C16orf96: variants seen among roughly 807,000 people sequenced by gnomAD.
C16orf96 encodes the protein chromosome 16 open reading frame 96, also known as uncharacterized protein C16orf96.
In C16orf96, 108 loss-of-function variants were observed where a neutral mutation model predicts 103.6. That is an observed-to-expected ratio of 1.04 (90% CI 0.89 to 1.22). C16orf96 has a LOEUF of 1.22. Ranked by LOEUF, C16orf96 falls within the 50% of genes most tolerant of loss-of-function variation. C16orf96 has a pLI of 0.00. For missense variants in C16orf96, 1,586 were observed against 1,464.2 expected (o/e 1.08, Z -1.36); for synonymous variants, 566 against 593.5 (o/e 0.95, Z 0.67).
Position 4,556,356 on chromosome 16 carries a change from C to T in C16orf96, c.-134C>T. ...GCTCCAGCCAGAACAGAGGCCATTCCTCCCTGACTGCTGTGACTCACCACC... is the reference window on the plus strand; with the variant it reads ...GCTCCAGCCAGAACAGAGGCCATTCTTCCCTGACTGCTGTGACTCACCACC... On this transcript the variant is annotated 5_prime_UTR_variant, in exon 1 of 16. Transcript: ENST00000444310. The T allele has an allele frequency of 1.0e-5, 9 of 864,664 alleles. No homozygotes were observed. The highest frequency in any genetic ancestry group is 1.5e-5 in the Non-Finnish European group (9 of 584,808). The allele number at this position is 864,664 out of a possible 1,614,324, so 53.6% of individuals were successfully genotyped here.
chr16:4,541,076 G>A, the C16orf96 span, among the ~76,000 whole-genome samples: 3 of 152,032 alleles, frequency 2.0e-5, no homozygotes, highest in Non-Finnish European at 2.9e-5. Context: ...ACCACGCCTG[G>A]CTAATTTTTG....
chr16:4,570,704 G>A lies in C16orf96; in HGVS notation c.421-857G>A, dbSNP rs144362333. On this transcript the variant is annotated intron_variant, in intron 1 of 15. Coordinates refer to ENST00000444310, the MANE Select transcript of C16orf96 (RefSeq NM_001145011.2). The stretch of plus-strand genomic sequence containing the variant: ...ACTGTTATCGAACTCCTGGCCTCAT[G>A]TTCTGCCTGACTTGGTCTCCCAAAG... Among the ~76,000 whole-genome samples, 18 of 152,186 alleles carry A rather than the reference G, an allele frequency of 1.2e-4. 1 individual carries two copies. The highest frequency in any genetic ancestry group is 4.1e-4 in the African/African-American group (17 of 41,534).
chr16:4,589,470 T>A (rs1897007210), intron 9 of C16orf96, among the ~76,000 whole-genome samples: 1 of 150,168 alleles, frequency 6.7e-6, no homozygotes, highest in Non-Finnish European at 1.5e-5. Flanking sequence ...TTCCAACTAC[T>A]CAGGAGGCTG....
chr16:4,542,609 C>G, the C16orf96 span, among the ~76,000 whole-genome samples: 1 of 151,910 alleles, frequency 6.6e-6, no homozygotes, highest in African/African-American at 2.4e-5. Context: ...CCAGCCTGGC[C>G]AATATAGTGA....
chr16:4,547,689 CTTCT>C, the C16orf96 span, among the ~76,000 whole-genome samples: 165 of 22,568 alleles, frequency 7.3e-3, 1 homozygote, highest in Middle Eastern at 0.023. Context: ...TCCTTCCTTC[CTTCT>C]TTCTTTCTTT....
chr16:4,594,553 C>T (rs773102118), intron 13 of C16orf96, 43 bp downstream of exon 13: 28 of 1,543,708 alleles, frequency 1.8e-5, no homozygotes, highest in Middle Eastern at 3.3e-4. Flanking sequence ...TGGACGTCAG[C>T]GCACCCCAGC....
chr16:4,580,458 C>T (rs1253680936), intron 7 of C16orf96, among the ~76,000 whole-genome samples: 2 of 151,982 alleles, frequency 1.3e-5, no homozygotes, highest in Non-Finnish European at 1.5e-5. Context: ...CTTCTTGTGC[C>T]AACTGTTACA....
intron 7 of C16orf96, among the ~76,000 whole-genome samples, chr16:4,585,941 T>A (rs1896917944): frequency 6.6e-6 from 1 of 151,932 alleles, no homozygotes; most frequent in East Asian, 1.9e-4. Flanking sequence ...AGACTCAGGA[T>A]AATAGAGAGA....
intron 9 of C16orf96, among the ~76,000 whole-genome samples, chr16:4,588,749 C>G (rs1296479547): frequency 7.1e-6 from 1 of 140,154 alleles, no homozygotes; most frequent in East Asian, 2.2e-4. Flanking sequence ...ACTCTGGGCA[C>G]CTGCCCCATA....
chr16:4,588,145 C>T, intron 8 of C16orf96, 22 bp from the exon 9 acceptor site: 1 of 1,546,940 alleles, frequency 6.5e-7, no homozygotes. Flanking sequence ...GCCATGCCTC[C>T]CTGAACTCCC....
At position 4,556,859 on chromosome 16, in the gene C16orf96, C is replaced by T. The variant is rs2059269782; in HGVS notation, c.370C>T (p.Leu124=). 3 of 1,550,954 alleles carry T rather than the reference C, an allele frequency of 1.9e-6. No homozygotes were observed. The highest frequency in any genetic ancestry group is 2.6e-6 in the Non-Finnish European group (3 of 1,146,566). Residue 124 remains leucine (L), a synonymous_variant, in exon 1 of 16, where the codon CTG becomes TTG. Coordinates refer to ENST00000444310, the MANE Select transcript of C16orf96 (RefSeq NM_001145011.2). ...CCGGCCCGTCCAGGACCTGTGGCAT[C>T]TGATCAAGCTCCGGAAGATGGTGGA... The part of the protein sequence containing the change: ...TARPVQDLWH[L]IKLRKMVEGH...
intron 1 of C16orf96, among the ~76,000 whole-genome samples, chr16:4,558,903 G>C (rs113867889): frequency 0.056 from 7,649 of 135,886 alleles, 303 homozygotes; most frequent in Non-Finnish European, 0.072. Context: ...GACAGAGCGA[G>C]ACTCTGTCTC....
intron 1 of C16orf96, among the ~76,000 whole-genome samples, chr16:4,566,679 T>C (rs2059388295): frequency 6.6e-6 from 1 of 152,166 alleles, no homozygotes; most frequent in African/African-American, 2.4e-5. Context: ...CTTTTTATTA[T>C]GACTTTAATC....
rs1368313924 is a variant in C16orf96, at chr16:4,562,068, T to C, written c.420+5159T>C. Among the ~76,000 whole-genome samples the C allele has an allele frequency of 2.0e-5, 3 of 152,184 alleles. 1 individual carries two copies. Among genetic ancestry groups the C allele is most frequent in the Non-Finnish European group, 4.4e-5 (3 of 68,036 alleles). ...TAACTTATTGGTCTTTTTGAGGGAA[T>C]GAGATGCATCGCCACTGCATTACAA... On this transcript the variant is annotated intron_variant, in intron 1 of 15. Coordinates refer to ENST00000444310, the MANE Select transcript of C16orf96 (RefSeq NM_001145011.2).
chr16:4,551,487 T>G (rs908312796), upstream of C16orf96, among the ~76,000 whole-genome samples: 7 of 152,194 alleles, frequency 4.6e-5, no homozygotes, highest in African/African-American at 1.7e-4. Context: ...AGTCTTGCTC[T>G]GTCGCCCAGG....
chr16:4,586,945 C>T (rs748108789), intron 7 of C16orf96, 94 bp from the exon 8 acceptor site: 11 of 1,193,662 alleles, frequency 9.2e-6, no homozygotes, highest in Non-Finnish European at 1.2e-5. Flanking sequence ...CCTGCTATCC[C>T]TCCCCAGCAT....
intron 14 of C16orf96, among the ~76,000 whole-genome samples, 199 bp from the exon 15 acceptor site, chr16:4,599,085 C>T (rs1371662445): frequency 6.8e-6 from 1 of 147,460 alleles, no homozygotes. Context: ...GGTGACAGAG[C>T]GGAGACCCTG....
At chr16:4,572,709 G>C (rs3890192) in intron 2 of C16orf96, among the ~76,000 whole-genome samples, 27 of 152,144 alleles carry the variant, frequency 1.8e-4, no homozygotes, top group African/African-American at 6.3e-4. Flanking sequence ...CTAGCAAAAA[G>C]AAAACCTCTT....
the C16orf96 span, among the ~76,000 whole-genome samples, chr16:4,548,029 A>C: frequency 6.6e-6 from 1 of 152,154 alleles, no homozygotes; most frequent in African/African-American, 2.4e-5. Context: ...CCATTGAATT[A>C]TACATGGATG....
Sources: gnomAD v4.1 joint callset for allele counts (sites outside exome capture counted in the v4.1 genomes callset) on GRCh38, gnomAD v4.1.1 for gene constraint, MANE v1.5 for transcripts, NCBI Gene and HGNC (gene_info 2026-07-23, HGNC 2026-07-21) for gene names.